CFHR4: variants seen among roughly 807,000 people sequenced by gnomAD.
CFHR4 encodes the protein complement factor H related 4, also known as complement factor H-related protein 4.
Under a neutral mutation model 69.3 loss-of-function variants are expected in CFHR4, and 64 were observed. That is an observed-to-expected ratio of 0.92 (90% CI 0.76 to 1.14). The LOEUF (loss-of-function observed/expected upper bound fraction) is 1.14, where lower values mean the gene tolerates loss of function less well. Among genes scored for constraint, CFHR4 ranks in the 50% most tolerant of loss-of-function variants. The probability of loss-of-function intolerance (pLI) is 0.00; values close to 1 mark genes in which losing one functional copy is unlikely to be tolerated. For missense variants in CFHR4, 636 were observed against 684.9 expected, an observed-to-expected ratio of 0.93 and a Z score of 0.80; for synonymous variants, 244 against 237.0, an observed-to-expected ratio of 1.03 and a Z score of -0.27.
intron 1 of CFHR4, among the ~76,000 whole-genome samples, chr1:196,890,853 C>T (rs1260279613): frequency 1.3e-5 from 2 of 151,572 alleles, no homozygotes; most frequent in Non-Finnish European, 2.9e-5. Context: ...ACACCCAGTT[C>T]TAATAACTTC....
Position 196,910,400 on chromosome 1 carries a change from T to G in CFHR4, c.919T>G (p.Phe307Val). The change falls in exon 6 of 10, where the codon TTT becomes GTT. Residue 307 changes from phenylalanine (F) to valine (V), a missense_variant. Physicochemically the swap from Phe to Val is conservative, Grantham distance 50. Coordinates refer to ENST00000608469, the MANE Select transcript of CFHR4 (RefSeq NM_001201550.3). ...QSYSYYCDQN[F>V]VTPSGSYWDY... ...TTACTCCTATTACTGTGACCAAAAT[T>G]TTGTGACTCCTTCAGGAAGTTACTG... 3.7e-6 allele frequency: 6 copies of G among 1,612,718 alleles called. No individual in the cohort carries two copies. Among genetic ancestry groups the G allele is most frequent in the Non-Finnish European group, 5.1e-6 (6 of 1,179,570 alleles).
intron 1 of CFHR4, among the ~76,000 whole-genome samples, chr1:196,900,900 T>A (rs1006831729): frequency 1.3e-5 from 2 of 151,402 alleles, no homozygotes; most frequent in African/African-American, 4.9e-5. Flanking sequence ...GCCAAGAAAC[T>A]ATACAAAGAC....
At position 196,912,600 on chromosome 1, in the gene CFHR4, G is replaced by A. The variant is rs1346827553; in HGVS notation, c.998-140G>A. On this transcript the variant is annotated intron_variant, in intron 6 of 9. Transcript: ENST00000608469. ...TTTCCTTTAAGAACACGGATGTCTAGGAAACTTCCAGTTTTGCTGTTTTCA... is the reference window on the plus strand; with the variant it reads ...TTTCCTTTAAGAACACGGATGTCTAAGAAACTTCCAGTTTTGCTGTTTTCA... 8 of 999,502 alleles carry A rather than the reference G, an allele frequency of 8.0e-6. No individual in the cohort carries two copies. In the Admixed American group the frequency reaches 2.4e-4, roughly 30 times the overall value. 61.9% of individuals were successfully genotyped at this position (999,502 alleles called of 1,614,324 possible).
rs771527183 is a variant in CFHR4 at position 196,902,645 on chromosome 1, C to T, written c.256+30C>T. The T allele has an allele frequency of 2.0e-6, 3 of 1,490,388 alleles. No homozygotes were observed. The South Asian group carries it at 3.4e-5, about 17-fold the overall frequency. 92.3% of individuals were successfully genotyped at this position (1,490,388 alleles called of 1,614,324 possible). ...GTAAACCTCTTTACAAGAATATGTG[C>T]ATAAAACTTGAAAAGAGTGAGAGAA... On this transcript the variant is annotated intron_variant, in intron 2 of 9. Coordinates refer to ENST00000608469, the MANE Select transcript of CFHR4 (RefSeq NM_001201550.3).
intron 1 of CFHR4, among the ~76,000 whole-genome samples, chr1:196,890,760 T>A (rs938199125): frequency 1.3e-5 from 2 of 151,466 alleles, no homozygotes; most frequent in Non-Finnish European, 2.9e-5. Flanking sequence ...ACTAAGAAGC[T>A]GGTTTCTGTG....
At chr1:196,900,771 G>A (rs1048212528) in intron 1 of CFHR4, among the ~76,000 whole-genome samples, 1 of 151,236 alleles carries the variant, frequency 6.6e-6, no homozygotes, top group Admixed American at 6.6e-5. Flanking sequence ...CAGTGGTCGG[G>A]GGGAAACAAC....
chr1:196,902,484 T>A lies in CFHR4; in HGVS notation c.125T>A (p.Leu42Gln). 1.2e-6 allele frequency: 2 copies of A among 1,612,098 alleles called. No individual in the cohort carries two copies. The highest frequency in any genetic ancestry group is 1.7e-5 in the Admixed American group (1 of 59,928). The change falls in exon 2 of 10, where the codon CTA becomes CAA. Residue 42 changes from leucine (L) to glutamine (Q), a missense_variant. Leu to Gln is a moderately radical substitution (Grantham distance 113, BLOSUM62 -2). Around this residue, in one of 3 missense-constraint regions of CFHR4, gnomAD observed 529 missense variants for 533.2 expected, o/e 0.99. Transcript: ENST00000608469. Reference sequence around the variant, plus strand: ...CTATATTATAAGAGTTTGCGTAGACTATACTTTCCAGCAGCTGCAGGACAA... The same window carrying A: ...CTATATTATAAGAGTTTGCGTAGACAATACTTTCCAGCAGCTGCAGGACAA... ...GGLYYKSLRR[L>Q]YFPAAAGQSY...
At chr1:196,900,538 A>G (rs1657550345) in intron 1 of CFHR4, among the ~76,000 whole-genome samples, 1 of 151,268 alleles carries the variant, frequency 6.6e-6, no homozygotes, top group African/African-American at 2.4e-5. Context: ...GAGATAGATA[A>G]CTATACTTGT....
intron 9 of CFHR4, among the ~76,000 whole-genome samples, chr1:196,917,011 G>A (rs1363978722): frequency 6.6e-6 from 1 of 151,570 alleles, no homozygotes. Flanking sequence ...GTTTGGAGAA[G>A]TATTTAGAGT....
At chr1:196,912,591 G>A (rs1030471297) in intron 6 of CFHR4, 149 bp from the exon 7 acceptor site, 44 of 890,120 alleles carry the variant, frequency 4.9e-5, no homozygotes, top group Admixed American at 3.6e-5. Flanking sequence ...TTAAGAACAC[G>A]GATGTCTAGG....
At chr1:196,914,037 T>A (rs1344728405) in intron 7 of CFHR4, among the ~76,000 whole-genome samples, 2 of 151,538 alleles carry the variant, frequency 1.3e-5, no homozygotes, top group Non-Finnish European at 2.9e-5. Context: ...GGATGCTTCA[T>A]AAATTTTTAT....
chr1:196,897,466 C>T (rs1015622216), intron 1 of CFHR4, among the ~76,000 whole-genome samples: 2 of 151,526 alleles, frequency 1.3e-5, no homozygotes, highest in Non-Finnish European at 2.9e-5. Context: ...GTATCCTGAG[C>T]TCTTGCCCAG....
rs771020245 is a variant in CFHR4, at chr1:196,918,285, A to G, written c.1616A>G (p.Tyr539Cys). The G allele has an allele frequency of 6.2e-7, 1 of 1,609,076 alleles. No individual in the cohort carries two copies. The highest frequency in any genetic ancestry group is 1.7e-5 in the Admixed American group (1 of 59,874). The change falls in exon 10 of 10, where the codon TAT (tyrosine) becomes TGT (cysteine). Residue 539 changes from tyrosine to cysteine, a missense_variant. By Grantham distance (194) the Tyr-to-Cys change is radical. Coordinates refer to ENST00000608469, the MANE Select transcript of CFHR4 (RefSeq NM_001201550.3). ...AAAGGAAAAAGTGACATAAAATATT[A>G]TGCAAAAACAGGGGATACCATTGAA... ...QLKGKSDIKY[Y>C]AKTGDTIEFM...
chr1:196,914,506 A>G lies in CFHR4; in HGVS notation c.1192A>G (p.Met398Val). 6.2e-7 allele frequency: 1 copy of G among 1,606,432 alleles called. No individual in the cohort carries two copies. The highest frequency in any genetic ancestry group is 8.5e-7 in the Non-Finnish European group (1 of 1,176,998). The change falls in exon 8 of 10, where the codon ATG becomes GTG. Residue 398 changes from methionine (M) to valine (V), a missense_variant. By Grantham distance (21) the Met-to-Val change is conservative (BLOSUM62 1). Around this residue, in one of 3 missense-constraint regions of CFHR4, gnomAD observed 529 missense variants for 533.2 expected, o/e 0.99. Coordinates refer to ENST00000608469, the MANE Select transcript of CFHR4 (RefSeq NM_001201550.3). The stretch of plus-strand genomic sequence containing the variant: ...TTATTTTGTTTCAGAATTTTGTGAT[A>G]TGCCTGTTTTTGAGAATTCCAGAGC... ...AQPICIKFCD[M>V]PVFENSRAKS... is the part of the protein sequence containing the mutation.
chr1:196,894,889 A>AACAAC lies in CFHR4; in HGVS notation c.58+6682_58+6683insCAACA, dbSNP rs111627820. Among the ~76,000 whole-genome samples the AACAAC allele has an allele frequency of 1.4e-3, 215 of 149,056 alleles. 11 individuals carry two copies. The South Asian group carries it at 0.021, about 14-fold the overall frequency. ...AAGCATGGCAAAACCCTGTCTCTAA[A>AACAAC]AACAACAACAACAACAACAAATTAT... is the stretch of plus-strand genomic sequence containing the variant. On this transcript the variant is annotated intron_variant, in intron 1 of 9. Coordinates refer to ENST00000608469, the MANE Select transcript of CFHR4 (RefSeq NM_001201550.3).
intron 7 of CFHR4, 116 bp from the exon 8 acceptor site, chr1:196,914,379 A>G (rs1658454810): frequency 9.9e-7 from 1 of 1,010,590 alleles, no homozygotes; most frequent in Non-Finnish European, 1.4e-6. Flanking sequence ...TTTTAATAGT[A>G]CTCAATTTAT....
chr1:196,897,650 C>T lies in CFHR4; in HGVS notation c.59-4768C>T, dbSNP rs80277607. Among the ~76,000 whole-genome samples the T allele has an allele frequency of 7.7e-4, 116 of 151,492 alleles. 4 individuals carry two copies. In the East Asian group the frequency reaches 0.021, roughly 27 times the overall value. ...AGCGGCCAGATTTTTCTCCGACCTC[C>T]CCTAGCGGAACTCATTTCCCTCGGC... On this transcript the variant is annotated intron_variant, in intron 1 of 9. Transcript: ENST00000608469.
intron 9 of CFHR4, among the ~76,000 whole-genome samples, chr1:196,916,464 C>G (rs1238325223): frequency 6.6e-6 from 1 of 151,792 alleles, no homozygotes; most frequent in African/African-American, 2.4e-5. Flanking sequence ...TACCTTTTAC[C>G]TTTCATATTG....
At chr1:196,892,545 A>G (rs1321352142) in intron 1 of CFHR4, among the ~76,000 whole-genome samples, 4 of 151,320 alleles carry the variant, frequency 2.6e-5, no homozygotes, top group Admixed American at 2.6e-4. Flanking sequence ...AAGTTCTGTC[A>G]ATAATTACCA....
Sources: allele counts gnomAD v4.1 joint callset (sites outside exome capture counted in the v4.1 genomes callset), GRCh38; gene constraint gnomAD v4.1.1; regional missense constraint gnomAD v4.1.1; transcripts MANE v1.5; gene names NCBI Gene and HGNC (gene_info 2026-07-23, HGNC 2026-07-21).